Variants in CSMD3 observed in about 807,000 individuals in gnomAD.
The protein encoded by CSMD3 is CUB and Sushi multiple domains 3.
In CSMD3, 177 loss-of-function variants were observed where a neutral mutation model predicts 435.2. The observed-to-expected ratio is 0.41, with a 90% confidence interval of 0.36 to 0.46. The LOEUF (loss-of-function observed/expected upper bound fraction) is 0.46, where lower values mean the gene tolerates loss of function less well. CSMD3 is among the 20% of genes least tolerant of loss of function. The probability of loss-of-function intolerance (pLI) is 0.34; values close to 1 mark genes in which losing one functional copy is unlikely to be tolerated. For synonymous variants in CSMD3, 1,656 were observed against 1,520.5 expected, an observed-to-expected ratio of 1.09 and a Z score of -2.07; for missense variants, 4,265 against 4,504.6, an observed-to-expected ratio of 0.95 and a Z score of 1.52.
At chr8:112,794,285 C>CT (rs1203991072) in intron 13 of CSMD3, among the ~76,000 whole-genome samples, 3,174 of 96,404 alleles carry the variant, frequency 0.033, 520 homozygotes, top group East Asian at 0.06. Context: ...GACTGATAAA[C>CT]TTTTTTTTTT....
chr8:112,414,210 C>G (rs1435996695), intron 32 of CSMD3, among the ~76,000 whole-genome samples: 1 of 152,176 alleles, frequency 6.6e-6, no homozygotes, highest in Non-Finnish European at 1.5e-5. Context: ...CTATTTGATA[C>G]AGTTTGGCTT....
At chr8:112,346,259 T>C in intron 40 of CSMD3, 46 bp from the exon 41 acceptor site, 1 of 1,099,096 alleles carries the variant, frequency 9.1e-7, no homozygotes, top group East Asian at 2.4e-5. Flanking sequence ...AGAGGAATAA[T>C]TTACTGTATT....
At chr8:112,624,053 G>A (rs1287979788) in intron 22 of CSMD3, among the ~76,000 whole-genome samples, 4 of 151,966 alleles carry the variant, frequency 2.6e-5, no homozygotes, top group Admixed American at 2.6e-4. Context: ...AAAAGTGTAA[G>A]TAATAGATAT....
At chr8:112,473,305 A>C (rs1818709180) in intron 31 of CSMD3, among the ~76,000 whole-genome samples, 1 of 151,984 alleles carries the variant, frequency 6.6e-6, no homozygotes, top group East Asian at 1.9e-4. Flanking sequence ...TGTTTCTGAT[A>C]AACTGTATAT....
At chr8:112,590,638 A>G (rs1260030734) in intron 22 of CSMD3, among the ~76,000 whole-genome samples, 10 of 152,060 alleles carry the variant, frequency 6.6e-5, no homozygotes, top group Non-Finnish European at 1.0e-4. Flanking sequence ...TGTTCTTGTG[A>G]TGGGGAAATA....
At position 112,978,551 on chromosome 8, in the gene CSMD3, A is replaced by AT. The variant is rs75296400; in HGVS notation, c.1031-2404dup. On this transcript the variant is annotated intron_variant, in intron 6 of 70. Coordinates refer to ENST00000297405, the MANE Select transcript of CSMD3 (RefSeq NM_198123.2). ...TTTCTAGCAGTCCCAATCTTAAAAT[A>AT]TTTAGCATAAGAGCTATACTTCCCA... is the stretch of plus-strand genomic sequence containing the variant. 2.9e-3 allele frequency among the ~76,000 whole-genome samples: 434 copies of AT among 152,116 alleles called. 13 individuals carry two copies. The East Asian group carries it at 0.064, about 22-fold the overall frequency.
At chr8:112,891,426 T>G (rs906685470) in intron 10 of CSMD3, among the ~76,000 whole-genome samples, 4 of 151,644 alleles carry the variant, frequency 2.6e-5, no homozygotes, top group African/African-American at 9.7e-5. Flanking sequence ...CTAGTACTTT[T>G]AGCTTTATCA....
chr8:112,625,737 C>G (rs1389889784), intron 22 of CSMD3, among the ~76,000 whole-genome samples: 1 of 151,948 alleles, frequency 6.6e-6, no homozygotes, highest in East Asian at 1.9e-4. Flanking sequence ...GGTTTATAGC[C>G]AGAAAAGTAG....
chr8:113,158,833 A>G (rs2091983914), intron 4 of CSMD3, among the ~76,000 whole-genome samples: 1 of 152,066 alleles, frequency 6.6e-6, no homozygotes, highest in African/African-American at 2.4e-5. Flanking sequence ...CGATATAAAC[A>G]ATACAGATAT....
In CSMD3 at chr8:112,581,885, C is replaced by T. The variant is rs533877516; in HGVS notation, c.3885+5181G>A. ...AGGAGGGCCCATTGAAGACTCTGATCATATGACATTTGAGTAGAGACCTGA... is the reference window on the plus strand; with the variant it reads ...AGGAGGGCCCATTGAAGACTCTGATTATATGACATTTGAGTAGAGACCTGA... On this transcript the variant is annotated intron_variant, in intron 23 of 70. Transcript: ENST00000297405. 5.3e-5 allele frequency among the ~76,000 whole-genome samples: 8 copies of T among 152,078 alleles called. No homozygotes were observed. In the South Asian group the frequency reaches 1.7e-3, roughly 32 times the overall value.
intron 53 of CSMD3, among the ~76,000 whole-genome samples, chr8:112,296,882 C>G (rs1820344811): frequency 6.6e-6 from 1 of 151,442 alleles, no homozygotes; most frequent in Non-Finnish European, 1.5e-5. Context: ...ATAAAATTGT[C>G]AATAACAGGA....
intron 31 of CSMD3, among the ~76,000 whole-genome samples, chr8:112,479,266 A>G (rs1263408144): frequency 6.6e-6 from 1 of 152,220 alleles, no homozygotes; most frequent in African/African-American, 2.4e-5. Context: ...GACATGACTT[A>G]AAGTTGGAGC....
chr8:112,443,708 T>C (rs1276303101), intron 32 of CSMD3, among the ~76,000 whole-genome samples: 1 of 152,152 alleles, frequency 6.6e-6, no homozygotes, highest in East Asian at 1.9e-4. Context: ...GCCATATTGA[T>C]TTCATTGAGA....
rs148666893 is a variant in CSMD3, at chr8:113,390,564, G to T, written c.178+46113C>A. 3.8e-3 allele frequency among the ~76,000 whole-genome samples: 570 copies of T among 151,770 alleles called. 5 individuals are homozygous for T. Among genetic ancestry groups the T allele is most frequent in the African/African-American group, 0.013 (525 of 41,444 alleles). ...CATCACTAGGTTGTGAACTCCTTCA[G>T]AAGTTTTCATGATATTTTGTAATTA... On this transcript the variant is annotated intron_variant, in intron 1 of 70. Transcript: ENST00000297405.
chr8:112,351,243 C>T lies in CSMD3; in HGVS notation c.6257G>A (p.Gly2086Asp). The change falls in exon 40 of 71, where the codon GGT (glycine) becomes GAT (aspartate). Residue 2086 changes from glycine (G) to aspartate (D), a missense_variant and splice_region_variant. This residue lies in a region of CSMD3 where 3,255 missense variants were observed against 3,380.2 expected (regional missense o/e 0.96). Coordinates refer to ENST00000297405, the MANE Select transcript of CSMD3 (RefSeq NM_198123.2). The part of the protein sequence containing the change: ...FQCDQGYSLQ[G>D]HSHITCMPGP... ...TGGCATACATGTAATGTGAGAGTGA[C>T]CCTACATAAACAAAATGATGTGGTT... is the stretch of plus-strand genomic sequence containing the variant. 6.2e-7 allele frequency: 1 copy of T among 1,603,142 alleles called. No individual in the cohort carries two copies. Among genetic ancestry groups the T allele is most frequent in the South Asian group, 1.1e-5 (1 of 90,868 alleles).
chr8:113,286,259 G>C (rs2093645857), intron 2 of CSMD3, among the ~76,000 whole-genome samples: 1 of 151,900 alleles, frequency 6.6e-6, no homozygotes, highest in Non-Finnish European at 1.5e-5. Context: ...TATTTCCTCT[G>C]TAAAAACTTA....
chr8:113,408,133 A>G (rs574665288), intron 1 of CSMD3, among the ~76,000 whole-genome samples: 134 of 151,914 alleles, frequency 8.8e-4, no homozygotes, highest in African/African-American at 3.0e-3. Flanking sequence ...GTCTAACTCT[A>G]TTTTTTTTCA....
At chr8:113,377,118 C>T in intron 1 of CSMD3, 1 of 1,263,030 alleles carries the variant, frequency 7.9e-7, no homozygotes, top group Non-Finnish European at 1.0e-6. Flanking sequence ...GCGGCGTCGT[C>T]CGGCTCTCCG....
At chr8:113,346,147 A>G (rs74592179) in intron 1 of CSMD3, among the ~76,000 whole-genome samples, 1,925 of 152,178 alleles carry the variant, frequency 0.013, 19 homozygotes, top group Non-Finnish European at 0.021. Context: ...TGGAAGATCA[A>G]TAGAGATAGA....
Sources: gnomAD v4.1 joint callset for allele counts (sites outside exome capture counted in the v4.1 genomes callset) on GRCh38, gnomAD v4.1.1 for gene constraint, gnomAD v4.1.1 regional missense constraint, MANE v1.5 for transcripts, NCBI Gene and HGNC (gene_info 2026-07-23, HGNC 2026-07-21) for gene names.